Variants in TMEM181 observed in about 807,000 individuals in gnomAD.
TMEM181 encodes the protein G protein-coupled receptor 178.
TMEM181 carries 39 observed loss-of-function variants against 71.9 expected under a neutral mutation model. The observed-to-expected ratio is 0.54, with a 90% confidence interval of 0.42 to 0.71. The LOEUF is 0.71. TMEM181 is among the 30% of genes least tolerant of loss of function. The probability of loss-of-function intolerance (pLI) is 0.00; values close to 1 mark genes in which losing one functional copy is unlikely to be tolerated. For synonymous variants in TMEM181, 245 were observed against 228.8 expected (o/e 1.07, Z -0.64); for missense variants, 595 against 583.0 (o/e 1.02, Z -0.21).
At chr6:158,599,315 G>A (rs2128311212) in intron 6 of TMEM181, among the ~76,000 whole-genome samples, 1 of 152,304 alleles carries the variant, frequency 6.6e-6, no homozygotes, top group Admixed American at 6.5e-5. Flanking sequence ...GTGGCCCAGG[G>A]TATGGTGTGG....
intron 2 of TMEM181, among the ~76,000 whole-genome samples, chr6:158,579,580 A>G (rs1008956351): frequency 1.3e-5 from 2 of 150,592 alleles, no homozygotes; most frequent in Non-Finnish European, 3.0e-5. Flanking sequence ...TTAGCCGAGC[A>G]TGGTGGTAAG....
At chr6:158,559,312 T>C (rs1782022665), upstream of TMEM181, among the ~76,000 whole-genome samples, 2 of 152,226 alleles carry the variant, frequency 1.3e-5, no homozygotes, top group Admixed American at 1.3e-4. Context: ...TCCTTATTCA[T>C]GTCCACACTT....
At chr6:158,536,972 C>G in intron 1 of TMEM181, 1 of 840,616 alleles carries the variant, frequency 1.2e-6, no homozygotes, top group Non-Finnish European at 1.5e-6. Flanking sequence ...CGACGGCCGC[C>G]TCCGCCGGCC....
chr6:158,623,480 TAAG>T (rs1786091623), intron 10 of TMEM181, 67 bp from the exon 11 acceptor site: 1 of 1,112,366 alleles, frequency 9.0e-7, no homozygotes, highest in Non-Finnish European at 1.3e-6. Flanking sequence ...AAAAAGTCAA[TAAG>T]AAAAAATGTA....
At chr6:158,557,505 A>ATT (rs1554301646), upstream of TMEM181, among the ~76,000 whole-genome samples, 1 of 146,834 alleles carries the variant, frequency 6.8e-6, no homozygotes, top group African/African-American at 2.5e-5. Flanking sequence ...CACAGCTGTA[A>ATT]TTATTTATTT....
chr6:158,628,476 C>T lies in TMEM181; in HGVS notation c.1178C>T (p.Thr393Ile), dbSNP rs1160841798. The change falls in exon 14 of 17, where the codon ACT becomes ATT. Residue 393 changes from threonine (T) to isoleucine (I), a missense_variant. Thr to Ile is a moderately conservative substitution (Grantham distance 89). Coordinates refer to ENST00000684151, the MANE Select transcript of TMEM181 (RefSeq NM_001376852.1). ...GACAATTTTGTAGCAGAGCTGTCAA[C>T]TCACTACCAGAATTATATCCTTTTC... ...LQDNFVAELS[T>I]HYQNSAEFLS... 3 of 1,614,202 alleles carry T rather than the reference C, an allele frequency of 1.9e-6. No individual in the cohort carries two copies. In the East Asian group the frequency reaches 6.7e-5, roughly 36 times the overall value.
upstream of TMEM181, chr6:158,559,976 A>C: frequency 2.3e-6 from 2 of 871,052 alleles, no homozygotes; most frequent in Non-Finnish European, 2.8e-6. Context: ...GCACGGGGCC[A>C]CGAAGGAGGG....
chr6:158,600,232 C>T (rs1784595094), intron 6 of TMEM181, among the ~76,000 whole-genome samples: 1 of 151,944 alleles, frequency 6.6e-6, no homozygotes, highest in African/African-American at 2.4e-5. Context: ...GCAGTGCGAT[C>T]TTGGCTCACT....
chr6:158,625,341 C>T (rs1032708268), intron 12 of TMEM181, 135 bp downstream of exon 12: 2 of 761,420 alleles, frequency 2.6e-6, no homozygotes, highest in Non-Finnish European at 4.4e-6. Flanking sequence ...AGGCTGGGGA[C>T]CAGGGCACGT....
At chr6:158,572,337 G>T (rs1377850683) in intron 1 of TMEM181, 1 of 451,718 alleles carries the variant, frequency 2.2e-6, no homozygotes, top group Non-Finnish European at 4.5e-6. Context: ...CTGGGTGGAC[G>T]TGCGGCTGCC....
At chr6:158,595,918 T>C (rs908613052) in intron 6 of TMEM181, among the ~76,000 whole-genome samples, 1 of 152,070 alleles carries the variant, frequency 6.6e-6, no homozygotes, top group Non-Finnish European at 1.5e-5. Flanking sequence ...TCCAATTCTT[T>C]TTATTTATTT....
At chr6:158,541,608 C>A (rs970009498) in intron 1 of TMEM181, among the ~76,000 whole-genome samples, 2 of 152,148 alleles carry the variant, frequency 1.3e-5, no homozygotes, top group African/African-American at 4.8e-5. Context: ...GCTCATGTTC[C>A]GTTTCCACGC....
intron 1 of TMEM181, among the ~76,000 whole-genome samples, chr6:158,554,864 A>G (rs896228742): frequency 2.0e-5 from 3 of 152,272 alleles, no homozygotes; most frequent in African/African-American, 7.2e-5. Flanking sequence ...GACAAAGTTG[A>G]AACCTGTTCA....
intron 10 of TMEM181, chr6:158,610,148 A>G (rs1785212456): frequency 8.9e-6 from 2 of 223,636 alleles, no homozygotes; most frequent in South Asian, 1.6e-4. Context: ...TGTCTCTTAA[A>G]TACCTTGTGA....
intron 4 of TMEM181, among the ~76,000 whole-genome samples, chr6:158,585,021 T>C (rs970390957): frequency 4.6e-5 from 7 of 152,224 alleles, no homozygotes; most frequent in African/African-American, 1.4e-4. Flanking sequence ...AAATATAAGT[T>C]CATTAGCCAT....
intron 6 of TMEM181, among the ~76,000 whole-genome samples, chr6:158,599,406 C>G (rs1013276001): frequency 1.3e-5 from 2 of 152,154 alleles, no homozygotes; most frequent in Non-Finnish European, 2.9e-5. Context: ...CTTTGTAATG[C>G]CAAAGGGACC....
At chr6:158,625,551 A>G (rs1344362110) in intron 12 of TMEM181, 152 bp from the exon 13 acceptor site, 2 of 688,782 alleles carry the variant, frequency 2.9e-6, no homozygotes, top group African/African-American at 1.8e-5. Context: ...GAAGGGACCA[A>G]CGTTCTCCTA....
At chr6:158,557,308 G>C (rs554564024), upstream of TMEM181, among the ~76,000 whole-genome samples, 7 of 152,168 alleles carry the variant, frequency 4.6e-5, no homozygotes, top group East Asian at 1.2e-3. Flanking sequence ...GGAGGCAGAG[G>C]CTGCAGTGAG....
chr6:158,575,992 A>T lies in TMEM181; in HGVS notation c.112+2469A>T, dbSNP rs1337095022. Among the ~76,000 whole-genome samples, 6 of 152,188 alleles carry T rather than the reference A, an allele frequency of 3.9e-5. No homozygotes were observed. The South Asian group carries it at 1.2e-3, about 31-fold the overall frequency. ...CCTTTGACTACTTCTTTTAAGGCCA[A>T]ACTCTAAAGAAATGCATTGTAAGAA... is the stretch of plus-strand genomic sequence containing the variant. On this transcript the variant is annotated intron_variant, in intron 2 of 16. Transcript: ENST00000684151.
Sources: allele counts gnomAD v4.1 joint callset (sites outside exome capture counted in the v4.1 genomes callset), GRCh38; gene constraint gnomAD v4.1.1; transcripts MANE v1.5; gene names NCBI Gene and HGNC (gene_info 2026-07-23, HGNC 2026-07-21).